Variants in THRB observed in about 807,000 individuals in gnomAD.
THRB encodes nuclear receptor subfamily 1 group A member 2.
THRB carries 12 observed loss-of-function variants against 47.8 expected under a neutral mutation model. That is an observed-to-expected ratio of 0.25 (90% confidence interval 0.16 to 0.41). The LOEUF (loss-of-function observed/expected upper bound fraction) is 0.41, where lower values mean the gene tolerates loss of function less well. Ranked by LOEUF, THRB falls within the 10% of genes least tolerant of loss-of-function variation. The pLI is 1.00. For missense variants in THRB, 348 were observed against 589.2 expected (o/e 0.59, Z 4.24); for synonymous variants, 218 against 212.2 (o/e 1.03, Z -0.24).
chr3:24,204,324 GCAGCAACATTTGCTGTT>G lies in THRB; in HGVS notation c.23-14007_23-13991del, dbSNP rs554667631. Among the ~76,000 whole-genome samples, 1,231 of 152,312 alleles carry G rather than the reference GCAGCAACATTTGCTGTT, an allele frequency of 8.1e-3. 13 individuals carry two copies. Among genetic ancestry groups the G allele is most frequent in the African/African-American group, 0.027 (1,117 of 41,566 alleles). On this transcript the variant is annotated intron_variant, in intron 4 of 10. Coordinates refer to ENST00000646209, the MANE Select transcript of THRB (RefSeq NM_001354712.2). The stretch of plus-strand genomic sequence containing the variant: ...ACAAAGCTTCCAGAGGAATGATCAG[GCAGCAACATTTGCTGTT>G]CAGCAATATTTGCTGTTCTGCAGCC...
At chr3:24,400,627 T>G (rs2067315712) in intron 1 of THRB, among the ~76,000 whole-genome samples, 1 of 152,128 alleles carries the variant, frequency 6.6e-6, no homozygotes, top group African/African-American at 2.4e-5. Context: ...CGAGGCACAG[T>G]GCTACTAGCT....
chr3:24,395,944 T>C (rs890548834), intron 1 of THRB, among the ~76,000 whole-genome samples: 4 of 152,086 alleles, frequency 2.6e-5, no homozygotes, highest in Admixed American at 6.6e-5. Flanking sequence ...AATGGGCAAC[T>C]GTATACAGAC....
At chr3:24,290,051 A>G (rs2055760380) in intron 3 of THRB, among the ~76,000 whole-genome samples, 1 of 152,226 alleles carries the variant, frequency 6.6e-6, no homozygotes, top group African/African-American at 2.4e-5. Context: ...TATAGAAAAG[A>G]AATGAATTAG....
intron 1 of THRB, among the ~76,000 whole-genome samples, chr3:24,386,616 C>A (rs1156467693): frequency 6.6e-6 from 1 of 152,086 alleles, no homozygotes; most frequent in Admixed American, 6.6e-5. Flanking sequence ...CTCAAAACAT[C>A]ATCATACCTT....
chr3:24,225,224 A>C (rs758566140), intron 4 of THRB, among the ~76,000 whole-genome samples: 1 of 152,194 alleles, frequency 6.6e-6, no homozygotes, highest in Non-Finnish European at 1.5e-5. Context: ...AGCTCACAGG[A>C]AACAGTACAA....
intron 3 of THRB, among the ~76,000 whole-genome samples, chr3:24,289,039 G>C (rs2055640089): frequency 6.6e-6 from 1 of 152,182 alleles, no homozygotes; most frequent in Non-Finnish European, 1.5e-5. Context: ...CCAGAGTGCT[G>C]GCTAAGAAGA....
Position 24,335,356 on chromosome 3 carries a change from T to C in THRB, c.-189+1944A>G, listed in dbSNP as rs971633523. On this transcript the variant is annotated intron_variant, in intron 2 of 10. Coordinates refer to ENST00000646209, the MANE Select transcript of THRB (RefSeq NM_001354712.2). ...TTTGGTGATTATTGAACAAAAAATA[T>C]TAGAACAGCATGATTTTCAATCTTC... is the stretch of plus-strand genomic sequence containing the variant. 4.6e-5 allele frequency among the ~76,000 whole-genome samples: 7 copies of C among 152,322 alleles called. No homozygotes were observed. In the East Asian group the frequency reaches 1.4e-3, roughly 29 times the overall value.
At chr3:24,355,897 T>C (rs2063644277) in intron 1 of THRB, among the ~76,000 whole-genome samples, 1 of 152,190 alleles carries the variant, frequency 6.6e-6, no homozygotes, top group Non-Finnish European at 1.5e-5. Flanking sequence ...ACCTTCATTC[T>C]ATTCCAATGG....
At chr3:24,295,760 T>C (rs1366504134) in intron 3 of THRB, among the ~76,000 whole-genome samples, 2 of 152,170 alleles carry the variant, frequency 1.3e-5, no homozygotes, top group Non-Finnish European at 2.9e-5. Flanking sequence ...AGGCCAACTA[T>C]GTATGAATCC....
intron 4 of THRB, among the ~76,000 whole-genome samples, chr3:24,198,901 G>A (rs1359732634): frequency 1.3e-5 from 2 of 152,098 alleles, no homozygotes; most frequent in Non-Finnish European, 2.9e-5. Flanking sequence ...CTGGCCACTG[G>A]CTCCTAAGGG....
intron 4 of THRB, among the ~76,000 whole-genome samples, chr3:24,211,711 G>A (rs1004732432): frequency 6.6e-6 from 1 of 152,210 alleles, no homozygotes; most frequent in African/African-American, 2.4e-5. Flanking sequence ...CCAAACCAAA[G>A]TGATCCTACC....
intron 2 of THRB, among the ~76,000 whole-genome samples, chr3:24,332,514 C>T (rs1024280379): frequency 6.6e-6 from 1 of 152,206 alleles, no homozygotes. Context: ...TGATCTATTG[C>T]TTCTCTTCCA....
At position 24,194,333 on chromosome 3, in the gene THRB, CAGT is replaced by C. The variant is rs574194732; in HGVS notation, c.23-4002_23-4000del. Among the ~76,000 whole-genome samples the C allele has an allele frequency of 2.3e-3, 279 of 120,002 alleles. 1 individual carries two copies. The highest frequency in any genetic ancestry group is 4.1e-3 in the Middle Eastern group (1 of 246). The allele number at this position is 120,002 out of a possible 152,430, so 78.7% of individuals were successfully genotyped here. A position where few individuals can be genotyped will look rare whatever the true frequency, so the allele number is the denominator to read the frequency against. On this transcript the variant is annotated intron_variant, in intron 4 of 10. Transcript: ENST00000646209. ...AGCATTATCTGGGACACAATGCACA[CAGT>C]AGTAGAAGTAATATTTTTTTTTAAA...
At chr3:24,192,418 C>CA in intron 4 of THRB, among the ~76,000 whole-genome samples, 1 of 152,120 alleles carries the variant, frequency 6.6e-6, no homozygotes, top group Non-Finnish European at 1.5e-5. Context: ...AAATCCTCAG[C>CA]AAATTGCATC....
chr3:24,130,093 G>T (rs1440554518), intron 9 of THRB, among the ~76,000 whole-genome samples: 4 of 152,158 alleles, frequency 2.6e-5, no homozygotes, highest in Non-Finnish European at 5.9e-5. Context: ...AAGGCTAAAG[G>T]TCATCAGGAG....
At chr3:24,207,024 G>C (rs961094878) in intron 4 of THRB, among the ~76,000 whole-genome samples, 20 of 152,218 alleles carry the variant, frequency 1.3e-4, no homozygotes, top group African/African-American at 4.8e-4. Flanking sequence ...ACCAAAAAAA[G>C]TCCAGGACCA....
At chr3:24,362,196 G>A (rs960650621) in intron 1 of THRB, among the ~76,000 whole-genome samples, 1 of 151,768 alleles carries the variant, frequency 6.6e-6, no homozygotes, top group Non-Finnish European at 1.5e-5. Flanking sequence ...ATTTTACTGA[G>A]TGCCACAGGC....
intron 1 of THRB, among the ~76,000 whole-genome samples, chr3:24,370,940 G>A (rs746823582): frequency 6.6e-6 from 1 of 152,122 alleles, no homozygotes; most frequent in African/African-American, 2.4e-5. Flanking sequence ...CATTAATTAA[G>A]CTCTGTTTGC....
At position 24,463,477 on chromosome 3, in the gene THRB, C is replaced by T. The variant is rs573904151; in HGVS notation, c.-261+31175G>A. ...TAGAGACAGGGTCTTCCTGTGTTGC[C>T]CAGGCAGCTCTTGAACTCTTGGGCT... is the stretch of plus-strand genomic sequence containing the variant. On this transcript the variant is annotated intron_variant, in intron 1 of 10. Coordinates refer to ENST00000646209, the MANE Select transcript of THRB (RefSeq NM_001354712.2). Among the ~76,000 whole-genome samples, 74 of 152,084 alleles carry T rather than the reference C, an allele frequency of 4.9e-4. 1 individual carries two copies. Among genetic ancestry groups the T allele is most frequent in the Non-Finnish European group, 1.3e-4 (9 of 67,986 alleles).
Sources: allele counts gnomAD v4.1 joint callset (sites outside exome capture counted in the v4.1 genomes callset), GRCh38; gene constraint gnomAD v4.1.1; transcripts MANE v1.5; gene names NCBI Gene and HGNC (gene_info 2026-07-23, HGNC 2026-07-21).